Variants in EPC1 observed in about 807,000 individuals in gnomAD.
The protein encoded by EPC1 is enhancer of polycomb 1.
Under a neutral mutation model 98.4 loss-of-function variants are expected in EPC1, and 12 were observed. The observed-to-expected ratio is 0.12, with a 90% CI of 0.08 to 0.20. The LOEUF (loss-of-function observed/expected upper bound fraction) is 0.20, where lower values mean the gene tolerates loss of function less well. EPC1 is among the 10% of genes least tolerant of loss of function. EPC1 has a pLI of 1.00. For synonymous variants in EPC1, 357 were observed against 363.9 expected (o/e 0.98, Z 0.21); for missense variants, 729 against 990.5 (o/e 0.74, Z 3.54).
rs139081510 is a variant in EPC1 at position 32,291,454 on chromosome 10, T to C, written c.816-132A>G. ...TAACATATCCATCACCTCACATAAT[T>C]ACCTTGTGTGTATATGTGGTGAGAT... On this transcript the variant is annotated intron_variant, in intron 5 of 13. Transcript: ENST00000319778. The C allele has an allele frequency of 1.9e-4, 128 of 688,028 alleles. No homozygotes were observed. In the African/African-American group the frequency reaches 2.1e-3, roughly 11 times the overall value. The allele number at this position is 688,028 out of a possible 1,614,324, so 42.6% of individuals were successfully genotyped here. A position where few individuals can be genotyped will look rare whatever the true frequency, so the allele number is the denominator to read the frequency against.
intron 2 of EPC1, 76 bp from the exon 3 acceptor site, chr10:32,293,813 A>G: frequency 7.4e-7 from 1 of 1,346,638 alleles, no homozygotes; most frequent in Non-Finnish European, 1.0e-6. Flanking sequence ...CTGCATAAAA[A>G]CAAGACCTAG....
chr10:32,352,982 CCT>C (rs1442997660), intron 1 of EPC1, among the ~76,000 whole-genome samples: 2 of 151,944 alleles, frequency 1.3e-5, no homozygotes, highest in African/African-American at 4.8e-5. Flanking sequence ...ACGGAGAAAC[CCT>C]GTCTCTACTA....
intron 1 of EPC1, among the ~76,000 whole-genome samples, chr10:32,323,131 A>AT (rs1025871009): frequency 1.1e-4 from 17 of 152,142 alleles, no homozygotes; most frequent in African/African-American, 3.6e-4. Flanking sequence ...TGTATCCATA[A>AT]TTTTTTTAAA....
chr10:32,370,244 T>A (rs1186759317), intron 1 of EPC1, among the ~76,000 whole-genome samples: 1 of 152,172 alleles, frequency 6.6e-6, no homozygotes, highest in Admixed American at 6.5e-5. Context: ...ACAGAACTGG[T>A]TTCACTGTCA....
intron 10 of EPC1, among the ~76,000 whole-genome samples, chr10:32,278,775 G>A (rs1487836805): frequency 6.6e-6 from 1 of 152,092 alleles, no homozygotes; most frequent in Middle Eastern, 3.2e-3. Context: ...CTCCTAATTA[G>A]TGAGATTGAG....
intron 1 of EPC1, among the ~76,000 whole-genome samples, chr10:32,312,842 G>A (rs944241231): frequency 2.0e-5 from 3 of 151,966 alleles, no homozygotes; most frequent in Non-Finnish European, 4.4e-5. Flanking sequence ...TTTGCTTTCA[G>A]TAGGAAGAAG....
chr10:32,345,879 T>G (rs1459204352), intron 1 of EPC1, among the ~76,000 whole-genome samples: 1 of 152,220 alleles, frequency 6.6e-6, no homozygotes, highest in Non-Finnish European at 1.5e-5. Context: ...TTTCTCCCCC[T>G]ATGTTGAGAT....
At chr10:32,318,890 T>C (rs76672832) in intron 1 of EPC1, among the ~76,000 whole-genome samples, 30 of 151,840 alleles carry the variant, frequency 2.0e-4, no homozygotes, top group Non-Finnish European at 4.3e-4. Flanking sequence ...CACTTCATCT[T>C]TGGGTCTTTA....
chr10:32,319,822 G>A (rs996425334), intron 1 of EPC1, among the ~76,000 whole-genome samples: 5 of 152,032 alleles, frequency 3.3e-5, no homozygotes, highest in Non-Finnish European at 5.9e-5. Context: ...GTTTACAGGC[G>A]CATACCACCA....
chr10:32,347,243 C>T, upstream of EPC1: 2 of 1,190,620 alleles, frequency 1.7e-6, no homozygotes, highest in Non-Finnish European at 2.1e-6. Flanking sequence ...AGCGCGGGCT[C>T]GAGGCCGGCG....
chr10:32,311,388 T>C (rs911705267), intron 1 of EPC1, among the ~76,000 whole-genome samples: 2 of 152,034 alleles, frequency 1.3e-5, no homozygotes, highest in African/African-American at 4.8e-5. Context: ...GGTATATAGA[T>C]GGCCACTGTA....
intron 1 of EPC1, among the ~76,000 whole-genome samples, chr10:32,363,317 A>G (rs2490518): frequency 0.53 from 80,184 of 152,108 alleles, 23,392 homozygotes; most frequent in East Asian, 0.69. Context: ...CCGTGCTCAA[A>G]GGATCTGCCT....
At chr10:32,274,682 T>C (rs980534558) in intron 10 of EPC1, among the ~76,000 whole-genome samples, 5 of 152,160 alleles carry the variant, frequency 3.3e-5, no homozygotes, top group African/African-American at 1.2e-4. Context: ...GAGCTCCTTT[T>C]CCTACTATGT....
chr10:32,325,544 T>A (rs569934773), intron 1 of EPC1, among the ~76,000 whole-genome samples: 1 of 152,210 alleles, frequency 6.6e-6, no homozygotes, highest in South Asian at 2.1e-4. Context: ...GAGGCTAATA[T>A]AAACATCACA....
intron 10 of EPC1, chr10:32,283,893 G>A (rs1409341815): frequency 2.6e-5 from 4 of 152,118 alleles, no homozygotes; most frequent in Admixed American, 6.5e-5. Context: ...ATTAGTTTAC[G>A]GAACATTTTC....
At chr10:32,279,330 A>G (rs992297201) in intron 10 of EPC1, among the ~76,000 whole-genome samples, 2 of 151,574 alleles carry the variant, frequency 1.3e-5, no homozygotes, top group Admixed American at 1.3e-4. Context: ...CCTGGGCGAC[A>G]GAGTGAGACT....
At chr10:32,319,311 A>T (rs772932195) in intron 1 of EPC1, among the ~76,000 whole-genome samples, 2 of 152,216 alleles carry the variant, frequency 1.3e-5, no homozygotes, top group Non-Finnish European at 2.9e-5. Flanking sequence ...ACCCCTGAAC[A>T]ACCTGCCTCA....
chr10:32,276,105 T>C (rs1177750014), intron 10 of EPC1, among the ~76,000 whole-genome samples: 3 of 152,168 alleles, frequency 2.0e-5, no homozygotes, highest in South Asian at 4.1e-4. Context: ...GTGGTAATAA[T>C]AACTATGGTC....
At chr10:32,271,508 G>T in intron 13 of EPC1, 46 bp downstream of exon 13, 1 of 1,583,130 alleles carries the variant, frequency 6.3e-7, no homozygotes. Context: ...GAGGACTGAA[G>T]TTAGATCTCT....
Sources: allele counts gnomAD v4.1 joint callset (sites outside exome capture counted in the v4.1 genomes callset), GRCh38; gene constraint gnomAD v4.1.1; transcripts MANE v1.5; gene names NCBI Gene and HGNC (gene_info 2026-07-23, HGNC 2026-07-21).